TRAPPC10: variants seen among roughly 807,000 people sequenced by gnomAD.
TRAPPC10 encodes trafficking protein particle complex subunit 10, also known as TRAPP 130 kDa subunit.
In TRAPPC10, 23 loss-of-function variants were observed where a neutral mutation model predicts 125.5. That is an observed-to-expected ratio of 0.18 (90% confidence interval 0.13 to 0.26). The LOEUF (loss-of-function observed/expected upper bound fraction) is 0.26. Ranked by LOEUF, TRAPPC10 falls within the 10% of genes least tolerant of loss-of-function variation. The pLI is 1.00. For missense variants in TRAPPC10, 1,123 were observed against 1,308.4 expected, an observed-to-expected ratio of 0.86 and a Z score of 2.19; for synonymous variants, 509 against 518.0, an observed-to-expected ratio of 0.98 and a Z score of 0.24.
At chr21:44,026,265 C>G (rs773233798) in intron 1 of TRAPPC10, among the ~76,000 whole-genome samples, 2 of 152,066 alleles carry the variant, frequency 1.3e-5, no homozygotes, top group African/African-American at 2.4e-5. Flanking sequence ...GCAGGAGCAC[C>G]GGGGAGGCTT....
chr21:44,013,988 T>C lies in TRAPPC10; in HGVS notation c.67+1428T>C, dbSNP rs567178849. On this transcript the variant is annotated intron_variant, in intron 1 of 22. Coordinates refer to ENST00000291574, the MANE Select transcript of TRAPPC10 (RefSeq NM_003274.5). ...GGAAGATGAAGCCATGCGCAGTTCA[T>C]GTTAAGTTTTACTGTCTTCCAGAGG... Among the ~76,000 whole-genome samples, 7 of 152,362 alleles carry C rather than the reference T, an allele frequency of 4.6e-5. 1 individual carries two copies. Among genetic ancestry groups the C allele is most frequent in the African/African-American group, 1.4e-4 (6 of 41,584 alleles).
intron 9 of TRAPPC10, among the ~76,000 whole-genome samples, chr21:44,076,047 C>CTAAAAAAAAAA (rs113332330): frequency 2.2e-5 from 3 of 137,188 alleles, no homozygotes; most frequent in Non-Finnish European, 5.0e-5. Flanking sequence ...AAAACTCTGT[C>CTAAAAAAAAAA]AAAAAAAAAA....
intron 3 of TRAPPC10, among the ~76,000 whole-genome samples, chr21:44,038,539 G>A (rs1327473681): frequency 6.6e-6 from 1 of 151,956 alleles, no homozygotes; most frequent in Non-Finnish European, 1.5e-5. Context: ...TCAGCCCTGT[G>A]GCCGCCACAG....
intron 7 of TRAPPC10, 92 bp from the exon 8 acceptor site, chr21:44,074,232 G>A: frequency 2.0e-6 from 3 of 1,509,138 alleles, no homozygotes; most frequent in Non-Finnish European, 2.7e-6. Flanking sequence ...AAGGATGGAG[G>A]GTTTTGCACG....
intron 1 of TRAPPC10, among the ~76,000 whole-genome samples, chr21:44,030,246 AGT>A (rs61498650): frequency 5.0e-4 from 75 of 151,074 alleles, no homozygotes; most frequent in Non-Finnish European, 4.6e-4. Context: ...AGAGCGAGAG[AGT>A]GTGTGTGTGT....
chr21:44,022,069 A>G (rs529266203), intron 1 of TRAPPC10, among the ~76,000 whole-genome samples: 1 of 86,022 alleles, frequency 1.2e-5, no homozygotes, highest in East Asian at 3.0e-4. Context: ...CTTTCATGGT[A>G]TTTTTTAATT....
At chr21:44,079,796 TAAG>T (rs2037552194) in intron 12 of TRAPPC10, 92 bp downstream of exon 12, 1 of 1,400,278 alleles carries the variant, frequency 7.1e-7, no homozygotes. Flanking sequence ...CACCTATTAT[TAAG>T]GAGAGAAAAG....
intron 3 of TRAPPC10, among the ~76,000 whole-genome samples, chr21:44,047,532 A>ATATGTGTGTGTGTGTGTGTGTGTGTG (rs1491372579): frequency 2.8e-5 from 4 of 142,826 alleles, no homozygotes; most frequent in Admixed American, 1.4e-4. Flanking sequence ...CTGGGGGAGT[A>ATATGTGTGTGTGTGTGTGTGTGTGTG]TGTGTGTGTG....
At chr21:44,061,823 T>G (rs1224702308) in intron 6 of TRAPPC10, among the ~76,000 whole-genome samples, 2 of 152,216 alleles carry the variant, frequency 1.3e-5, no homozygotes, top group Admixed American at 1.3e-4. Context: ...CTAATTACCA[T>G]GAGATGACCA....
intron 3 of TRAPPC10, among the ~76,000 whole-genome samples, chr21:44,038,303 C>A (rs1203108805): frequency 1.3e-5 from 2 of 152,132 alleles, no homozygotes; most frequent in African/African-American, 4.8e-5. Flanking sequence ...TGTGAGCTGT[C>A]TCACTGTGCC....
intron 17 of TRAPPC10, chr21:44,089,490 T>C (rs898070925): frequency 2.1e-6 from 1 of 468,474 alleles, no homozygotes; most frequent in Non-Finnish European, 4.3e-6. Flanking sequence ...CCTGTGCACA[T>C]TGCAACATGC....
intron 7 of TRAPPC10, among the ~76,000 whole-genome samples, chr21:44,070,773 ACT>A (rs1485404104): frequency 1.3e-5 from 2 of 152,052 alleles, no homozygotes; most frequent in Non-Finnish European, 2.9e-5. Context: ...TGGCTCTGGC[ACT>A]CTCTGTCCCC....
Position 44,087,585 on chromosome 21 carries a change from A to G in TRAPPC10, c.2540-114A>G, listed in dbSNP as rs2038230434. The G allele has an allele frequency of 5.5e-6, 5 of 910,970 alleles. No individual in the cohort carries two copies. The Admixed American group carries it at 6.2e-5, about 11-fold the overall frequency. The allele number at this position is 910,970 out of a possible 1,614,324, so 56.4% of individuals were successfully genotyped here. ...TCTTGGGTTTGCCTGCCAGGTGCGC[A>G]GGAGCGGGAGAGGTTGAGCAGTGGC... On this transcript the variant is annotated intron_variant, in intron 16 of 22. Transcript: ENST00000291574. This position sits in a 1 kb window ranked among gnomAD's most constrained non-coding sequence, Gnocchi z 4.6.
chr21:44,101,446 A>G lies in TRAPPC10; in HGVS notation c.3347-1332A>G, dbSNP rs1443415342. Among the ~76,000 whole-genome samples the G allele has an allele frequency of 4.3e-5, 2 of 46,518 alleles. 1 individual carries two copies. Among genetic ancestry groups the G allele is most frequent in the Non-Finnish European group, 1.4e-4 (2 of 13,876 alleles). 30.5% of individuals were successfully genotyped at this position (46,518 alleles called of 152,430 possible). A position where few individuals can be genotyped will look rare whatever the true frequency, so the allele number is the denominator to read the frequency against. On this transcript the variant is annotated intron_variant, in intron 21 of 22. Coordinates refer to ENST00000291574, the MANE Select transcript of TRAPPC10 (RefSeq NM_003274.5). ...CAGCAGAAATGACAGCCAACACCGC[A>G]GACATCTGAACTGGTTCAGCTTATG...
intron 4 of TRAPPC10, among the ~76,000 whole-genome samples, chr21:44,053,882 G>A (rs2035388152): frequency 2.0e-5 from 3 of 151,814 alleles, no homozygotes; most frequent in South Asian, 4.2e-4. Context: ...TAGGCTTGAT[G>A]TGAACTTCTG....
intron 3 of TRAPPC10, among the ~76,000 whole-genome samples, chr21:44,047,730 G>A: frequency 6.6e-6 from 1 of 152,016 alleles, no homozygotes. Flanking sequence ...ATTCCACTTA[G>A]CATATTTTCA....
intron 7 of TRAPPC10, among the ~76,000 whole-genome samples, chr21:44,068,403 G>A (rs544042244): frequency 1.2e-4 from 18 of 152,216 alleles, no homozygotes; most frequent in Admixed American, 2.6e-4. Flanking sequence ...GGCAGGCTTT[G>A]GGGGCAATGA....
intron 1 of TRAPPC10, among the ~76,000 whole-genome samples, 166 bp downstream of exon 1, chr21:44,012,726 C>G (rs552521608): frequency 6.6e-6 from 1 of 152,068 alleles, no homozygotes; most frequent in South Asian, 2.1e-4. Flanking sequence ...TCTGACTTTT[C>G]GGGGACGCCC....
Position 44,052,303 on chromosome 21 carries a change from A to G in TRAPPC10, c.309A>G (p.Thr103=), listed in dbSNP as rs746111144. 6 of 1,601,738 alleles carry G rather than the reference A, an allele frequency of 3.7e-6. No individual in the cohort carries two copies. The highest frequency in any genetic ancestry group is 1.1e-5 in the South Asian group (1 of 88,160). Residue 103 remains threonine (T), a synonymous_variant, in exon 4 of 23, where the codon ACA becomes ACG. Transcript: ENST00000291574. ...AGGATACCGAAGTGTATAAAGCTAC[A>G]GTAAAAGATGACCTCACCAAGTGGC... The part of the protein sequence containing the change: ...ECCDTEVYKA[T]VKDDLTKWQN...
Sources: gnomAD v4.1 joint callset for allele counts (sites outside exome capture counted in the v4.1 genomes callset) on GRCh38, gnomAD v4.1.1 for gene constraint, Gnocchi (gnomAD v3.1) non-coding constraint, MANE v1.5 for transcripts, NCBI Gene and HGNC (gene_info 2026-07-23, HGNC 2026-07-21) for gene names.